Variants in SERTAD1 observed in about 807,000 individuals in gnomAD.
The protein encoded by SERTAD1 is SERTA domain containing 1.
In SERTAD1, 5 loss-of-function variants were observed where a neutral mutation model predicts 11.7. The observed-to-expected ratio is 0.43, with a 90% CI of 0.22 to 0.90. The LOEUF is 0.90. Among genes scored for constraint, SERTAD1 ranks in the 40% least tolerant of loss-of-function variants. SERTAD1 has a pLI of 0.27. For synonymous variants in SERTAD1, 139 were observed against 141.4 expected, an observed-to-expected ratio of 0.98 and a Z score of 0.12; for missense variants, 287 against 313.9, an observed-to-expected ratio of 0.91 and a Z score of 0.65.
At chr19:40,424,648 C>T (rs1471747302) in intron 1 of SERTAD1, among the ~76,000 whole-genome samples, 2 of 152,246 alleles carry the variant, frequency 1.3e-5, no homozygotes, top group South Asian at 2.1e-4. Context: ...GAATGGAGCC[C>T]TCAGGCCAGA....
Position 40,423,182 on chromosome 19 carries a change from A to C in SERTAD1, c.365T>G (p.Leu122Arg), listed in dbSNP as rs1303537840. ...SASMASLLED[L>R]SHIEGLSQAP... is the part of the protein sequence containing the mutation. Reference sequence around the variant, plus strand: ...CTGACTCAGGCCCTCAATGTGGCTGAGGTCCTCCAGGAGGCTGGCCATGGA... The same window carrying C: ...CTGACTCAGGCCCTCAATGTGGCTGCGGTCCTCCAGGAGGCTGGCCATGGA... Residue 122 changes from leucine to arginine, a missense_variant, in exon 2 of 2, where the codon CTC (leucine) becomes CGC (arginine). By Grantham distance (102) the Leu-to-Arg change is moderately radical. Coordinates refer to ENST00000357949, the MANE Select transcript of SERTAD1 (RefSeq NM_013376.4). The C allele has an allele frequency of 6.2e-7, 1 of 1,600,624 alleles. No homozygotes were observed. Among genetic ancestry groups the C allele is most frequent in the Non-Finnish European group, 8.5e-7 (1 of 1,172,526 alleles).
In SERTAD1 at chr19:40,425,964, C is replaced by A. The variant is rs573009166; in HGVS notation, c.-98G>T. ...TCGCTTGTTGGCTGTCCTCCGGAAACCCGCGCCTGGGTCGCGAGACGCAGT... is the reference window on the plus strand; with the variant it reads ...TCGCTTGTTGGCTGTCCTCCGGAAAACCGCGCCTGGGTCGCGAGACGCAGT... On this transcript the variant is annotated 5_prime_UTR_variant, in exon 1 of 2. Coordinates refer to ENST00000357949, the MANE Select transcript of SERTAD1 (RefSeq NM_013376.4). 4.6e-5 allele frequency: 7 copies of A among 152,286 alleles called. No homozygotes were observed. The highest frequency in any genetic ancestry group is 1.7e-4 in the African/African-American group (7 of 41,474). The allele number at this position is 152,286 out of a possible 1,614,324, so 9.4% of individuals were successfully genotyped here.
Position 40,423,400 on chromosome 19 carries a change from TG to T in SERTAD1, c.146del (p.Ser49Ter). 1 of 1,613,424 alleles carries T rather than the reference TG, an allele frequency of 6.2e-7. No individual in the cohort carries two copies. The highest frequency in any genetic ancestry group is 8.5e-7 in the Non-Finnish European group (1 of 1,180,022). On this transcript the variant is annotated frameshift_variant, in exon 2 of 2. Coordinates refer to ENST00000357949, the MANE Select transcript of SERTAD1 (RefSeq NM_013376.4). LOFTEE classifies it high-confidence loss of function. ...GCAGGCTGTGGTGGAGCTTGAGCAC[TG>T]AGAGGTCAAAGAGGGAGCTAGAGGC... ...AVASSSLFDL[S>X]VLKLHHSLQQ...
rs34418481 is a variant in SERTAD1 at position 40,422,255 on chromosome 19, CA to C, written c.*580del. 0.017 allele frequency: 1,749 copies of C among 102,608 alleles called. 18 individuals are homozygous for C. Among genetic ancestry groups the C allele is most frequent in the African/African-American group, 0.048 (1,275 of 26,774 alleles). The allele number at this position is 102,608 out of a possible 1,614,324, so 6.4% of individuals were successfully genotyped here. The stretch of plus-strand genomic sequence containing the variant: ...TGGGTGACAGAGCGAGACCCTATCT[CA>C]AAAAAAAAAAAAAAAAAGTTCATAA... On this transcript the variant is annotated 3_prime_UTR_variant, in exon 2 of 2. Transcript: ENST00000357949.
rs1223194180 is a variant in SERTAD1 at position 40,421,705 on chromosome 19, G to A, written c.*1131C>T. 1 of 152,136 alleles carries A rather than the reference G, an allele frequency of 6.6e-6. No individual in the cohort carries two copies. The highest frequency in any genetic ancestry group is 2.4e-5 in the African/African-American group (1 of 41,418). The allele number at this position is 152,136 out of a possible 1,614,324, so 9.4% of individuals were successfully genotyped here. On this transcript the variant is annotated 3_prime_UTR_variant, in exon 2 of 2. Coordinates refer to ENST00000357949, the MANE Select transcript of SERTAD1 (RefSeq NM_013376.4). ...TTGGAGAGGATCTGTCCAGGGTCCA[G>A]GTTTTGTGTTTTTATTTCGGGACCA...
chr19:40,424,539 G>C (rs1228812301), intron 1 of SERTAD1, among the ~76,000 whole-genome samples: 1 of 152,058 alleles, frequency 6.6e-6, no homozygotes, highest in Admixed American at 6.6e-5. Flanking sequence ...AAATAAATAA[G>C]GAAACACAGG....
At position 40,423,501 on chromosome 19, in the gene SERTAD1, TCTCCTC is replaced by T. The variant is rs763220495; in HGVS notation, c.40_45del (p.Glu14_Glu15del). On this transcript the variant is annotated inframe_deletion, in exon 2 of 2. Transcript: ENST00000357949. ...CAGGAGTCGACTGCCAGAGGTTCCT[TCTCCTC>T]CTCCTCCTCCCGTTTCCGCTTCAGA... is the stretch of plus-strand genomic sequence containing the variant. 3.7e-6 allele frequency: 6 copies of T among 1,611,124 alleles called. No individual in the cohort carries two copies. Among genetic ancestry groups the T allele is most frequent in the African/African-American group, 1.3e-5 (1 of 74,932 alleles).
chr19:40,423,587 G>A, intron 1 of SERTAD1, 41 bp from the exon 2 acceptor site: 7 of 1,292,832 alleles, frequency 5.4e-6, no homozygotes, highest in Non-Finnish European at 7.5e-6. Context: ...GTCAGTTATA[G>A]AAAACAAATG....
At position 40,422,451 on chromosome 19, in the gene SERTAD1, A is replaced by G. The variant is rs4150993; in HGVS notation, c.*385T>C. On this transcript the variant is annotated 3_prime_UTR_variant, in exon 2 of 2. Coordinates refer to ENST00000357949, the MANE Select transcript of SERTAD1 (RefSeq NM_013376.4). ...CAGCCTACGCCCAATAAAATGTTTG[A>G]TGTTTTTATCTCGCCTTCACATTTG... The G allele has an allele frequency of 2.2e-3, 488 of 217,160 alleles. 3 individuals carry two copies. Among genetic ancestry groups the G allele is most frequent in the Non-Finnish European group, 2.8e-3 (307 of 109,496 alleles). 13.5% of individuals were successfully genotyped at this position (217,160 alleles called of 1,614,324 possible). A position where few individuals can be genotyped will look rare whatever the true frequency, so the allele number is the denominator to read the frequency against.
rs1303671116 is a variant in SERTAD1 at position 40,422,620 on chromosome 19, CCT to C, written c.*214_*215del. 2 of 564,380 alleles carry C rather than the reference CCT, an allele frequency of 3.5e-6. No individual in the cohort carries two copies. The highest frequency in any genetic ancestry group is 3.8e-5 in the African/African-American group (2 of 52,742). The allele number at this position is 564,380 out of a possible 1,614,324, so 35.0% of individuals were successfully genotyped here. On this transcript the variant is annotated 3_prime_UTR_variant, in exon 2 of 2. Coordinates refer to ENST00000357949, the MANE Select transcript of SERTAD1 (RefSeq NM_013376.4). ...CCAGGGAATTCAGTCCCCACCAGAC[CCT>C]GTCATTCCATCACTAGGGGGTAATT...
intron 1 of SERTAD1, among the ~76,000 whole-genome samples, chr19:40,424,175 CTTT>C (rs200131972): frequency 1.3e-5 from 2 of 148,162 alleles, no homozygotes; most frequent in Non-Finnish European, 3.0e-5. Flanking sequence ...TCAATAAGTA[CTTT>C]TTTTTTTCCC....
In SERTAD1 at chr19:40,423,560, G is replaced by C; in HGVS notation, c.1-14C>G. 1 of 1,444,044 alleles carries C rather than the reference G, an allele frequency of 6.9e-7. No individual in the cohort carries two copies. Among genetic ancestry groups the C allele is most frequent in the Non-Finnish European group, 9.5e-7 (1 of 1,051,622 alleles). 89.5% of individuals were successfully genotyped at this position (1,444,044 alleles called of 1,614,324 possible). ...CTTGCTCAGCATCTGCAGAGGGCAG[G>C]GAGTTATGGAGTTATAGTCAGTTAT... On this transcript the variant is annotated splice_polypyrimidine_tract_variant and intron_variant, in intron 1 of 1. Transcript: ENST00000357949.
chr19:40,424,180 T>C (rs1326892560), intron 1 of SERTAD1, among the ~76,000 whole-genome samples: 2 of 145,414 alleles, frequency 1.4e-5, no homozygotes, highest in Non-Finnish European at 2.9e-5. Context: ...AAGTACTTTT[T>C]TTTTTCCCTT....
intron 1 of SERTAD1, among the ~76,000 whole-genome samples, chr19:40,425,629 AGCG>A (rs777608685): frequency 2.0e-5 from 3 of 152,044 alleles, no homozygotes; most frequent in Non-Finnish European, 2.9e-5. Flanking sequence ...CTCCTCCCGA[AGCG>A]GCGGCGGCGG....
rs758512962 is a variant in SERTAD1 at position 40,422,830 on chromosome 19, G to C, written c.*6C>G. ...AGATACCAGACAACCATTCCAGCAC[G>C]AGGGCTCAGCGCCCTGGCCCCGGCG... On this transcript the variant is annotated 3_prime_UTR_variant, in exon 2 of 2. Transcript: ENST00000357949. 18 of 1,586,150 alleles carry C rather than the reference G, an allele frequency of 1.1e-5. No individual in the cohort carries two copies. The Admixed American group carries it at 1.6e-4, about 14-fold the overall frequency.
At chr19:40,423,570 A>T in intron 1 of SERTAD1, 24 bp from the exon 2 acceptor site, 1 of 1,349,230 alleles carries the variant, frequency 7.4e-7, no homozygotes, top group Non-Finnish European at 1.0e-6. Context: ...GGAGTTATGG[A>T]GTTATAGTCA....
Position 40,423,102 on chromosome 19 carries a change from C to T in SERTAD1, c.445G>A (p.Ala149Thr). 2 of 1,596,502 alleles carry T rather than the reference C, an allele frequency of 1.3e-6. No individual in the cohort carries two copies. The highest frequency in any genetic ancestry group is 1.1e-5 in the South Asian group (1 of 88,424). The stretch of plus-strand genomic sequence containing the variant: ...AGGTCCAAGGCACCCAGGCTGGGCG[C>T]TGCTCCCCCGATGCTACGGCCTGGT... ...GPPGRSIGGA[A>T]PSLGALDLLG... The change falls in exon 2 of 2, where the codon GCG becomes ACG. Residue 149 changes from alanine to threonine, a missense_variant. Physicochemically the swap from Ala to Thr is moderately conservative, Grantham distance 58. Transcript: ENST00000357949.
At chr19:40,423,649 G>A (rs750053679) in intron 1 of SERTAD1, 103 bp from the exon 2 acceptor site, 247 of 705,960 alleles carry the variant, frequency 3.5e-4, no homozygotes, top group Admixed American at 5.5e-4. Context: ...TCTTGGGGAA[G>A]TCACTTAACC....
In SERTAD1 at chr19:40,422,815, C is replaced by T. The variant is rs1275210403; in HGVS notation, c.*21G>A. ...CAGCAGGCTCAGTTCAGATACCAGA[C>T]AACCATTCCAGCACGAGGGCTCAGC... On this transcript the variant is annotated 3_prime_UTR_variant, in exon 2 of 2. Transcript: ENST00000357949. 3 of 1,567,234 alleles carry T rather than the reference C, an allele frequency of 1.9e-6. No homozygotes were observed. The highest frequency in any genetic ancestry group is 2.6e-6 in the Non-Finnish European group (3 of 1,155,896).
Sources: gnomAD v4.1 joint callset for allele counts (sites outside exome capture counted in the v4.1 genomes callset) on GRCh38, gnomAD v4.1.1 for gene constraint, MANE v1.5 for transcripts, NCBI Gene and HGNC (gene_info 2026-07-23, HGNC 2026-07-21) for gene names.